DPYD: variants seen among roughly 807,000 people sequenced by gnomAD.
DPYD encodes dihydropyrimidine dehydrogenase.
DPYD carries 109 observed loss-of-function variants against 116.2 expected under a neutral mutation model. That is an observed-to-expected ratio of 0.94 (90% CI 0.80 to 1.10). DPYD has a LOEUF of 1.10. Among genes scored for constraint, DPYD ranks in the 50% least tolerant of loss-of-function variants. The pLI, the probability that DPYD is intolerant of heterozygous loss-of-function variation, is 0.00. For synonymous variants in DPYD, 440 were observed against 432.0 expected (o/e 1.02, Z -0.23); for missense variants, 1,302 against 1,254.5 (o/e 1.04, Z -0.57).
rs1353473800 is a variant in DPYD at position 97,242,122 on chromosome 1, G to GTATA, written c.2300-7129_2300-7128insTATA. On this transcript the variant is annotated intron_variant, in intron 18 of 22. Transcript: ENST00000370192. ...TGTAATTTGCAACGTGTGTGTGCGT[G>GTATA]TGTATATATATATATATATATATAT... 5.0e-3 allele frequency among the ~76,000 whole-genome samples: 361 copies of GTATA among 71,566 alleles called. 59 individuals carry two copies. The highest frequency in any genetic ancestry group is 8.5e-3 in the Middle Eastern group (1 of 118). The allele number at this position is 71,566 out of a possible 152,430, so 47.0% of individuals were successfully genotyped here.
At chr1:97,395,516 T>C (rs1672961960) in intron 14 of DPYD, among the ~76,000 whole-genome samples, 1 of 152,028 alleles carries the variant, frequency 6.6e-6, no homozygotes, top group African/African-American at 2.4e-5. Flanking sequence ...CAAGTTCCTC[T>C]CTACTACATC....
At chr1:97,233,975 T>C (rs1304111517) in intron 19 of DPYD, among the ~76,000 whole-genome samples, 1 of 152,222 alleles carries the variant, frequency 6.6e-6, no homozygotes, top group African/African-American at 2.4e-5. Context: ...TTAATTCTGA[T>C]TGTCAAGTTA....
At chr1:97,092,315 T>C (rs971958544) in intron 21 of DPYD, among the ~76,000 whole-genome samples, 4 of 152,170 alleles carry the variant, frequency 2.6e-5, no homozygotes, top group African/African-American at 9.6e-5. Flanking sequence ...TTAAGAAACA[T>C]ACATGGATGA....
At chr1:97,475,431 A>T (rs1677902126) in intron 13 of DPYD, among the ~76,000 whole-genome samples, 2 of 152,222 alleles carry the variant, frequency 1.3e-5, no homozygotes, top group African/African-American at 4.8e-5. Context: ...ATGACTTAAT[A>T]AATAAGTAAA....
At chr1:97,744,927 A>T (rs985943844) in intron 3 of DPYD, among the ~76,000 whole-genome samples, 2 of 152,060 alleles carry the variant, frequency 1.3e-5, no homozygotes, top group Non-Finnish European at 2.9e-5. Context: ...TCCAGACCCT[A>T]TCATAATAAA....
intron 18 of DPYD, among the ~76,000 whole-genome samples, chr1:97,250,775 A>T (rs1181420193): frequency 6.6e-6 from 1 of 152,164 alleles, no homozygotes; most frequent in Non-Finnish European, 1.5e-5. Context: ...CTGGAGATGG[A>T]GAAATTGACT....
chr1:97,166,953 T>C (rs1656369941), intron 20 of DPYD, among the ~76,000 whole-genome samples: 1 of 152,220 alleles, frequency 6.6e-6, no homozygotes, highest in South Asian at 2.1e-4. Flanking sequence ...TTATTTTATT[T>C]TCAATAGTTT....
At chr1:97,785,096 A>T (rs1666949597) in intron 3 of DPYD, among the ~76,000 whole-genome samples, 1 of 152,236 alleles carries the variant, frequency 6.6e-6, no homozygotes, top group Non-Finnish European at 1.5e-5. Context: ...GTTGTTTAGT[A>T]AAATCATTAA....
intron 14 of DPYD, among the ~76,000 whole-genome samples, chr1:97,392,369 T>C (rs1672752624): frequency 6.6e-6 from 1 of 151,994 alleles, no homozygotes; most frequent in African/African-American, 2.4e-5. Flanking sequence ...TTCTTTTTTT[T>C]TTCTAGATAG....
intron 18 of DPYD, among the ~76,000 whole-genome samples, chr1:97,292,677 C>A (rs1202412749): frequency 6.6e-6 from 1 of 151,744 alleles, no homozygotes; most frequent in African/African-American, 2.4e-5. Context: ...GGAACAAACA[C>A]CCAGACACAA....
intron 3 of DPYD, among the ~76,000 whole-genome samples, chr1:97,746,638 C>T (rs1420011235): frequency 2.0e-5 from 3 of 151,980 alleles, no homozygotes; most frequent in South Asian, 2.1e-4. Flanking sequence ...TGGTGGAATA[C>T]GAAAGACGTG....
At chr1:97,538,140 C>A (rs944706789) in intron 12 of DPYD, among the ~76,000 whole-genome samples, 1 of 152,000 alleles carries the variant, frequency 6.6e-6, no homozygotes, top group African/African-American at 2.4e-5. Context: ...ACCTCTTGGC[C>A]CCAAATCACG....
At chr1:97,425,887 C>CA (rs796912794) in intron 14 of DPYD, among the ~76,000 whole-genome samples, 145 of 145,034 alleles carry the variant, frequency 1.0e-3, no homozygotes, top group Middle Eastern at 3.5e-3. Context: ...TTCAGTTTAC[C>CA]AAAAAAAAAG....
intron 16 of DPYD, among the ~76,000 whole-genome samples, chr1:97,324,532 G>A (rs972490635): frequency 7.2e-5 from 11 of 152,004 alleles, no homozygotes; most frequent in Admixed American, 2.0e-4. Flanking sequence ...TGGCCTGGCC[G>A]AGCAGGTCCT....
intron 19 of DPYD, among the ~76,000 whole-genome samples, chr1:97,205,317 C>T (rs963504523): frequency 1.1e-4 from 17 of 151,456 alleles, no homozygotes; most frequent in African/African-American, 4.1e-4. Context: ...TATTCATCCC[C>T]CTCACCCTCA....
intron 14 of DPYD, among the ~76,000 whole-genome samples, chr1:97,421,535 T>C (rs1472851405): frequency 3.9e-5 from 6 of 152,176 alleles, no homozygotes; most frequent in African/African-American, 1.4e-4. Context: ...TCAGTTTTTA[T>C]TTATTGCCTA....
chr1:97,577,317 G>A (rs1014382811), intron 10 of DPYD, among the ~76,000 whole-genome samples: 1 of 152,134 alleles, frequency 6.6e-6, no homozygotes, highest in Non-Finnish European at 1.5e-5. Context: ...TATGAAACGA[G>A]TAGATGCAGC....
chr1:97,248,012 A>G (rs931684424), intron 18 of DPYD, among the ~76,000 whole-genome samples: 3 of 152,244 alleles, frequency 2.0e-5, no homozygotes, highest in Non-Finnish European at 2.9e-5. Context: ...TCATTTTATA[A>G]AGCCAGTATA....
In DPYD at chr1:97,135,418, C is replaced by T. The variant is rs557687139; in HGVS notation, c.2623-36786G>A. Among the ~76,000 whole-genome samples, 5 of 152,230 alleles carry T rather than the reference C, an allele frequency of 3.3e-5. No individual in the cohort carries two copies. The South Asian group carries it at 1.0e-3, about 32-fold the overall frequency. On this transcript the variant is annotated intron_variant, in intron 20 of 22. Transcript: ENST00000370192. ...TAAAACTCATGAATTTCTTTAGTTT[C>T]TTGGCTACCAATAAGTTTACAGCAA...
Sources: gnomAD v4.1 joint callset for allele counts (sites outside exome capture counted in the v4.1 genomes callset) on GRCh38, gnomAD v4.1.1 for gene constraint, MANE v1.5 for transcripts, NCBI Gene and HGNC (gene_info 2026-07-23, HGNC 2026-07-21) for gene names.